The following DCDC1 variants were observed in gnomAD, a reference collection of about 807,000 sequenced individuals.
The protein encoded by DCDC1 is doublecortin domain containing 1.
In DCDC1, 200 loss-of-function variants were observed where a neutral mutation model predicts 178.3. The observed-to-expected ratio is 1.12, with a 90% CI of 1.00 to 1.26. The LOEUF is 1.26. Among genes scored for constraint, DCDC1 ranks in the 50% most tolerant of loss-of-function variants. The pLI is 0.00. For missense variants in DCDC1, 1,983 were observed against 1,749.2 expected (o/e 1.13, Z -2.38); for synonymous variants, 690 against 604.8 (o/e 1.14, Z -2.07).
At chr11:31,323,086 T>G (rs565263069) in intron 3 of DCDC1, among the ~76,000 whole-genome samples, 1 of 152,336 alleles carries the variant, frequency 6.6e-6, no homozygotes, top group Admixed American at 6.5e-5. Context: ...TCACTGGAAA[T>G]TTCAGTATAA....
chr11:31,140,368 G>C (rs1252872620), intron 9 of DCDC1, among the ~76,000 whole-genome samples: 1 of 152,112 alleles, frequency 6.6e-6, no homozygotes, highest in African/African-American at 2.4e-5. Flanking sequence ...AGGGGAGGAG[G>C]AAATCAAGTC....
At chr11:31,225,261 C>T (rs548776828) in intron 9 of DCDC1, among the ~76,000 whole-genome samples, 60 of 151,298 alleles carry the variant, frequency 4.0e-4, no homozygotes, top group Non-Finnish European at 5.9e-4. Context: ...AACTCAGGAA[C>T]ATACAATATC....
intron 9 of DCDC1, among the ~76,000 whole-genome samples, chr11:31,150,635 TAAG>T (rs1311499749): frequency 3.9e-5 from 6 of 152,186 alleles, no homozygotes; most frequent in Non-Finnish European, 8.8e-5. Context: ...AATTTTGTAA[TAAG>T]AAAGCCTCTT....
intron 20 of DCDC1, among the ~76,000 whole-genome samples, chr11:31,046,264 A>AC (rs1954831974): frequency 1.3e-5 from 2 of 152,144 alleles, no homozygotes; most frequent in Non-Finnish European, 2.9e-5. Context: ...TGGTTCATAC[A>AC]AGTTGTTGTG....
intron 8 of DCDC1, among the ~76,000 whole-genome samples, chr11:31,243,285 T>C (rs1394662520): frequency 6.6e-6 from 1 of 151,800 alleles, no homozygotes; most frequent in Non-Finnish European, 1.5e-5. Context: ...TCAGTGCTTT[T>C]AGTTTATTGC....
chr11:31,221,117 C>A lies in DCDC1; in HGVS notation c.1221+20333G>T, dbSNP rs1187000793. On this transcript the variant is annotated intron_variant, in intron 9 of 38. Coordinates refer to ENST00000684477, the MANE Select transcript of DCDC1 (RefSeq NM_001387274.1). ...ATATTCCATATGTGGAATATTAATT[C>A]ATGTCCTTCTTGCATGCGAAACACA... Among the ~76,000 whole-genome samples the A allele has an allele frequency of 2.0e-5, 3 of 152,134 alleles. No individual in the cohort carries two copies. In the East Asian group the frequency reaches 5.8e-4, roughly 29 times the overall value.
intron 18 of DCDC1, among the ~76,000 whole-genome samples, chr11:31,076,312 T>A (rs1956861937): frequency 6.6e-6 from 1 of 152,158 alleles, no homozygotes; most frequent in African/African-American, 2.4e-5. Context: ...CAATGAAAAT[T>A]TTATTTCCAG....
At chr11:31,274,498 A>C (rs1945826571) in intron 7 of DCDC1, among the ~76,000 whole-genome samples, 1 of 152,012 alleles carries the variant, frequency 6.6e-6, no homozygotes. Flanking sequence ...ATCTGGAAAC[A>C]AGTGGAGAAT....
At chr11:31,108,137 T>C (rs560814421) in intron 12 of DCDC1, among the ~76,000 whole-genome samples, 5 of 152,322 alleles carry the variant, frequency 3.3e-5, no homozygotes, top group African/African-American at 9.6e-5. Context: ...ACTGCATGTA[T>C]AGGATCTAAG....
intron 20 of DCDC1, among the ~76,000 whole-genome samples, chr11:31,051,618 G>T (rs1003779368): frequency 6.6e-6 from 1 of 152,188 alleles, no homozygotes; most frequent in East Asian, 1.9e-4. Context: ...CAAATTAACA[G>T]GAGATTTCTC....
chr11:30,994,387 G>A (rs1456645802), intron 20 of DCDC1, among the ~76,000 whole-genome samples: 1 of 151,632 alleles, frequency 6.6e-6, no homozygotes, highest in East Asian at 1.9e-4. Context: ...TGCCTCCCAG[G>A]TTCAAGTATT....
intron 34 of DCDC1, 107 bp from the exon 35 acceptor site, chr11:30,894,491 G>A: frequency 7.0e-7 from 1 of 1,437,630 alleles, no homozygotes; most frequent in Non-Finnish European, 9.3e-7. Context: ...AGGAGCATAA[G>A]CTAAAATACT....
chr11:31,260,826 C>T (rs969248636), intron 8 of DCDC1, among the ~76,000 whole-genome samples: 10 of 152,056 alleles, frequency 6.6e-5, no homozygotes, highest in African/African-American at 2.2e-4. Context: ...AAACCTCCCT[C>T]GAAATCAGAC....
intron 18 of DCDC1, among the ~76,000 whole-genome samples, chr11:31,069,102 C>T (rs550035956): frequency 1.3e-5 from 2 of 152,236 alleles, no homozygotes; most frequent in South Asian, 4.1e-4. Flanking sequence ...CTGCCCACCT[C>T]GGCCTCCCAA....
At chr11:31,176,703 T>C (rs537038101) in intron 9 of DCDC1, among the ~76,000 whole-genome samples, 1 of 152,264 alleles carries the variant, frequency 6.6e-6, no homozygotes, top group African/African-American at 2.4e-5. Context: ...ATCAGCAGAT[T>C]TCTCAGCAGA....
At chr11:31,310,584 G>A (rs1948716252) in intron 3 of DCDC1, among the ~76,000 whole-genome samples, 1 of 151,978 alleles carries the variant, frequency 6.6e-6, no homozygotes, top group African/African-American at 2.4e-5. Flanking sequence ...CTCTCAAAGT[G>A]CTGGGATTAC....
intron 38 of DCDC1, among the ~76,000 whole-genome samples, chr11:30,872,651 C>T (rs962760438): frequency 1.4e-4 from 21 of 152,010 alleles, no homozygotes; most frequent in African/African-American, 3.9e-4. Context: ...CCGTTCCCTA[C>T]GACAACCCTC....
chr11:31,046,318 G>A (rs1954837836), intron 20 of DCDC1, among the ~76,000 whole-genome samples: 1 of 152,034 alleles, frequency 6.6e-6, no homozygotes. Context: ...TAGTATTCAT[G>A]TTTAACCATT....
chr11:31,103,733 G>A lies in DCDC1; in HGVS notation c.1788C>T (p.Asp596=), dbSNP rs1201500639. ...CACCTCTGGCAAATGCACTCACTCG[G>A]TCAAAGGTCAAACCCAAAGCAAGAT... ...PLNLALGLTF[D]RVSAFARGDI... The change falls in exon 14 of 39, where the codon GAC becomes GAT. Residue 596 remains aspartate, a synonymous_variant. Coordinates refer to ENST00000684477, the MANE Select transcript of DCDC1 (RefSeq NM_001387274.1). 2.6e-6 allele frequency: 2 copies of A among 765,220 alleles called. No homozygotes were observed. Among genetic ancestry groups the A allele is most frequent in the East Asian group, 2.4e-5 (1 of 41,150 alleles). The allele number at this position is 765,220 out of a possible 1,614,324, so 47.4% of individuals were successfully genotyped here.
Sources: allele counts gnomAD v4.1 joint callset (sites outside exome capture counted in the v4.1 genomes callset), GRCh38; gene constraint gnomAD v4.1.1; transcripts MANE v1.5; gene names NCBI Gene and HGNC (gene_info 2026-07-23, HGNC 2026-07-21).